Variants in SYN3 observed in about 807,000 individuals in gnomAD.
SYN3 encodes synapsin-3.
In SYN3, 35 loss-of-function variants were observed where a neutral mutation model predicts 65.8. The observed-to-expected ratio is 0.53, with a 90% CI of 0.41 to 0.70. SYN3 has a LOEUF of 0.70. Ranked by LOEUF, SYN3 falls within the 30% of genes least tolerant of loss-of-function variation. The pLI is 0.00. For synonymous variants in SYN3, 270 were observed against 292.9 expected, an observed-to-expected ratio of 0.92 and a Z score of 0.80; for missense variants, 680 against 749.0, an observed-to-expected ratio of 0.91 and a Z score of 1.08.
intron 7 of SYN3, among the ~76,000 whole-genome samples, chr22:32,549,268 G>A (rs1268379091): frequency 2.7e-5 from 4 of 147,452 alleles, no homozygotes. Flanking sequence ...TTTTTTTTTT[G>A]TTTGAGACAG....
intron 6 of SYN3, among the ~76,000 whole-genome samples, chr22:32,656,074 T>C (rs1209143171): frequency 6.6e-6 from 1 of 152,216 alleles, no homozygotes; most frequent in South Asian, 2.1e-4. Context: ...GCCTGCTGTG[T>C]GGTAGATGCA....
chr22:32,987,891 AAAATAAAT>A (rs1444062208), intron 2 of SYN3, among the ~76,000 whole-genome samples: 1 of 152,238 alleles, frequency 6.6e-6, no homozygotes, highest in Non-Finnish European at 1.5e-5. Context: ...GAAAAGACAA[AAAATAAAT>A]AAATAAACAG....
intron 1 of SYN3, among the ~76,000 whole-genome samples, chr22:33,012,151 C>T (rs955024445): frequency 2.0e-5 from 3 of 152,076 alleles, no homozygotes; most frequent in Non-Finnish European, 4.4e-5. Flanking sequence ...ATTTTAAACT[C>T]TTTTTTTCCC....
intron 5 of SYN3, among the ~76,000 whole-genome samples, chr22:32,868,527 G>A (rs919275471): frequency 2.0e-5 from 3 of 151,746 alleles, no homozygotes; most frequent in East Asian, 1.9e-4. Flanking sequence ...CACAACCTCC[G>A]CCTCCCGGGT....
chr22:32,636,397 A>C (rs2059816494), intron 6 of SYN3, among the ~76,000 whole-genome samples: 2 of 125,078 alleles, frequency 1.6e-5, no homozygotes, highest in East Asian at 4.2e-4. Context: ...GCGAGACTCC[A>C]TCTCAAAAAA....
chr22:32,815,153 C>A (rs1490925271), intron 6 of SYN3, among the ~76,000 whole-genome samples: 1 of 152,206 alleles, frequency 6.6e-6, no homozygotes, highest in African/African-American at 2.4e-5. Context: ...GGCATCTTCC[C>A]CTCCCCATTT....
chr22:32,735,061 G>A (rs892193274), intron 6 of SYN3, among the ~76,000 whole-genome samples: 3 of 152,164 alleles, frequency 2.0e-5, no homozygotes, highest in Admixed American at 6.5e-5. Flanking sequence ...AGTGAGAGGT[G>A]GTTACACTCC....
chr22:32,965,911 G>A (rs908267858), intron 3 of SYN3, among the ~76,000 whole-genome samples: 1 of 152,160 alleles, frequency 6.6e-6, no homozygotes, highest in African/African-American at 2.4e-5. Flanking sequence ...AGCCAAGGTG[G>A]TCTCGATCTC....
chr22:32,734,534 C>CAGACAGACA (rs1173609409), intron 6 of SYN3, among the ~76,000 whole-genome samples: 1 of 152,108 alleles, frequency 6.6e-6, no homozygotes, highest in African/African-American at 2.4e-5. Context: ...GACAGACAGA[C>CAGACAGACA]ATCGCCCTGG....
intron 6 of SYN3, among the ~76,000 whole-genome samples, chr22:32,748,249 A>G (rs1425536928): frequency 6.6e-6 from 1 of 152,220 alleles, no homozygotes; most frequent in Non-Finnish European, 1.5e-5. Flanking sequence ...GATAGTAGAT[A>G]CTTATAATTC....
chr22:32,815,796 C>T (rs983279838), intron 6 of SYN3, among the ~76,000 whole-genome samples: 6 of 152,084 alleles, frequency 3.9e-5, no homozygotes, highest in South Asian at 2.1e-4. Context: ...AGATTTGAGC[C>T]GGACCTCCTG....
At chr22:32,597,723 T>C (rs1026808118) in intron 6 of SYN3, among the ~76,000 whole-genome samples, 3 of 152,188 alleles carry the variant, frequency 2.0e-5, no homozygotes, top group African/African-American at 7.2e-5. Context: ...ACAGCAGCCT[T>C]GCTGGGTTGG....
rs770189020 is a variant in SYN3, at chr22:32,769,759, C to T, written c.711+95156G>A. 9.9e-5 allele frequency among the ~76,000 whole-genome samples: 15 copies of T among 152,150 alleles called. No homozygotes were observed. The East Asian group carries it at 1.2e-3, about 12-fold the overall frequency. On this transcript the variant is annotated intron_variant, in intron 6 of 13. Transcript: ENST00000358763. ...CTCGAACTCCCGACCTCAGATGATC[C>T]GCCTGTCTCGGCCTCCCAAAGTGCT...
chr22:32,550,810 T>C (rs986609218), intron 7 of SYN3, among the ~76,000 whole-genome samples: 1 of 152,020 alleles, frequency 6.6e-6, no homozygotes, highest in Non-Finnish European at 1.5e-5. Context: ...TGATTCCAGG[T>C]TTGGGCAGAA....
chr22:32,526,854 C>T (rs1386759523), intron 12 of SYN3, among the ~76,000 whole-genome samples: 1 of 152,192 alleles, frequency 6.6e-6, no homozygotes, highest in Non-Finnish European at 1.5e-5. Flanking sequence ...TAAAAGATTG[C>T]AGCGAGACTG....
chr22:32,887,515 T>C (rs1180578829), intron 4 of SYN3, among the ~76,000 whole-genome samples: 1 of 152,224 alleles, frequency 6.6e-6, no homozygotes, highest in East Asian at 1.9e-4. Flanking sequence ...CCATTGCCAG[T>C]TGAGCTTCCA....
intron 7 of SYN3, among the ~76,000 whole-genome samples, chr22:32,587,951 C>T (rs1456529635): frequency 3.3e-5 from 5 of 152,124 alleles, no homozygotes; most frequent in Non-Finnish European, 2.9e-5. Context: ...GGTTGTGCCC[C>T]ACTCCACCAT....
chr22:32,569,405 ATCTATCTATCT>A (rs1569047747), intron 7 of SYN3, among the ~76,000 whole-genome samples: 5 of 68,722 alleles, frequency 7.3e-5, no homozygotes, highest in African/African-American at 3.8e-4. Flanking sequence ...TCCAAAATCT[ATCTATCTATCT>A]ATCTATCTAT....
chr22:33,044,805 A>G (rs1356188564), intron 1 of SYN3, among the ~76,000 whole-genome samples: 7 of 151,124 alleles, frequency 4.6e-5, no homozygotes, highest in African/African-American at 1.7e-4. Context: ...ATCAGGGCCT[A>G]GCCACCTGCA....
Sources: gnomAD v4.1 joint callset for allele counts (sites outside exome capture counted in the v4.1 genomes callset) on GRCh38, gnomAD v4.1.1 for gene constraint, MANE v1.5 for transcripts, NCBI Gene and HGNC (gene_info 2026-07-23, HGNC 2026-07-21) for gene names.